Variants in BMP6 observed in about 807,000 individuals in gnomAD.
The protein encoded by BMP6 is VG-1-R.
Under a neutral mutation model 54.1 loss-of-function variants are expected in BMP6, and 17 were observed. The ratio of observed to expected loss-of-function variants is 0.31; its 90% confidence interval spans 0.22 to 0.47. The LOEUF (loss-of-function observed/expected upper bound fraction) is 0.47, where lower values mean the gene tolerates loss of function less well. Ranked by LOEUF, BMP6 falls within the 20% of genes least tolerant of loss-of-function variation. The pLI is 1.00. For synonymous variants in BMP6, 328 were observed against 291.2 expected (o/e 1.13, Z -1.28); for missense variants, 720 against 690.4 (o/e 1.04, Z -0.48).
intron 1 of BMP6, among the ~76,000 whole-genome samples, chr6:7,830,422 CT>C (rs1758776389): frequency 6.6e-6 from 1 of 152,174 alleles, no homozygotes; most frequent in African/African-American, 2.4e-5. Flanking sequence ...CCTCTTTCTG[CT>C]CAGAGGTCCT....
At chr6:7,830,568 A>T (rs1275871547) in intron 1 of BMP6, among the ~76,000 whole-genome samples, 2 of 152,182 alleles carry the variant, frequency 1.3e-5, no homozygotes, top group Non-Finnish European at 2.9e-5. Context: ...AGAGATGGAG[A>T]GTGTATTAGT....
intron 1 of BMP6, among the ~76,000 whole-genome samples, chr6:7,736,922 T>A (rs1310865980): frequency 6.6e-6 from 1 of 152,138 alleles, no homozygotes; most frequent in East Asian, 1.9e-4. Context: ...GCGCAGTGGC[T>A]CACACCTGTA....
At chr6:7,835,757 T>C (rs1758864377) in intron 1 of BMP6, among the ~76,000 whole-genome samples, 2 of 152,224 alleles carry the variant, frequency 1.3e-5, no homozygotes, top group African/African-American at 2.4e-5. Context: ...TGCCTGAGTG[T>C]GCTCTCATAG....
rs763599891 is a variant in BMP6, at chr6:7,766,936, AATTTTT to A, written c.664+39330_664+39335del. On this transcript the variant is annotated intron_variant, in intron 1 of 6. Transcript: ENST00000283147. ...AAATCAAATGGATATGGAATAGTATAATTTTTATTTTTATTTTTTATTTATTTATTT... is the reference window on the plus strand; with the variant it reads ...AAATCAAATGGATATGGAATAGTATAATTTTTATTTTTTATTTATTTATTT... Among the ~76,000 whole-genome samples, 762 of 148,088 alleles carry A rather than the reference AATTTTT, an allele frequency of 5.1e-3. 9 individuals carry two copies. Among genetic ancestry groups the A allele is most frequent in the Non-Finnish European group, 8.5e-3 (573 of 67,058 alleles).
Position 7,727,002 on chromosome 6 carries a change from G to T in BMP6, c.47G>T (p.Gly16Val). Residue 16 changes from glycine to valine, a missense_variant, in exon 1 of 7, where the codon GGG becomes GTG. By Grantham distance (109) the Gly-to-Val change is moderately radical (BLOSUM62 -3). Transcript: ENST00000283147. Reference protein sequence around the residue: ...RRAQWLCWWWGLLCSCCGPPP... With the variant: ...RRAQWLCWWWVLLCSCCGPPP... ...GCGCAGTGGCTGTGCTGGTGGTGGG[G>T]GCTGCTGTGCAGCTGCTGCGGGCCC... is the stretch of plus-strand genomic sequence containing the variant. The T allele has an allele frequency of 1.8e-6, 2 of 1,134,410 alleles. No homozygotes were observed. The highest frequency in any genetic ancestry group is 2.2e-6 in the Non-Finnish European group (2 of 926,316). The allele number at this position is 1,134,410 out of a possible 1,614,324, so 70.3% of individuals were successfully genotyped here. A position where few individuals can be genotyped will look rare whatever the true frequency, so the allele number is the denominator to read the frequency against.
chr6:7,760,822 T>C (rs1268914014), intron 1 of BMP6, among the ~76,000 whole-genome samples: 1 of 152,136 alleles, frequency 6.6e-6, no homozygotes, highest in East Asian at 1.9e-4. Context: ...AAAGTTAAAG[T>C]AAAGTTTTGA....
intron 1 of BMP6, among the ~76,000 whole-genome samples, chr6:7,800,447 T>G (rs890445747): frequency 1.3e-5 from 2 of 152,236 alleles, no homozygotes; most frequent in Non-Finnish European, 2.9e-5. Flanking sequence ...CCTTTGTCCC[T>G]GTAGCCTGAG....
At chr6:7,732,502 C>T (rs1761880415) in intron 1 of BMP6, among the ~76,000 whole-genome samples, 1 of 152,196 alleles carries the variant, frequency 6.6e-6, no homozygotes, top group Non-Finnish European at 1.5e-5. Flanking sequence ...CTCTGATCAG[C>T]TTGGAGGAGG....
At chr6:7,841,190 GA>G (rs2113249486) in intron 1 of BMP6, among the ~76,000 whole-genome samples, 1 of 152,288 alleles carries the variant, frequency 6.6e-6, no homozygotes, top group East Asian at 1.9e-4. Context: ...ATATAGGTAA[GA>G]AAAAAGCTAG....
intron 4 of BMP6, among the ~76,000 whole-genome samples, chr6:7,869,688 C>A (rs1482853212): frequency 4.6e-5 from 7 of 152,172 alleles, no homozygotes. Flanking sequence ...GATGGAATGT[C>A]TCCTCAGTCA....
intron 1 of BMP6, among the ~76,000 whole-genome samples, chr6:7,752,051 C>T (rs1256340553): frequency 6.6e-6 from 1 of 152,214 alleles, no homozygotes; most frequent in African/African-American, 2.4e-5. Context: ...TAGCTTTCTA[C>T]TCAGTGGAAT....
chr6:7,817,744 T>C (rs1023620382), intron 1 of BMP6, among the ~76,000 whole-genome samples: 3 of 152,170 alleles, frequency 2.0e-5, no homozygotes, highest in Non-Finnish European at 1.5e-5. Flanking sequence ...AACTGCCTGA[T>C]GTTTTAAAGC....
chr6:7,759,970 GC>G (rs1757587169), intron 1 of BMP6, among the ~76,000 whole-genome samples: 1 of 151,182 alleles, frequency 6.6e-6, no homozygotes, highest in Non-Finnish European at 1.5e-5. Context: ...CTCCCAAAGT[GC>G]TGGGATTACA....
At chr6:7,771,869 A>G (rs975097140) in intron 1 of BMP6, among the ~76,000 whole-genome samples, 4 of 152,130 alleles carry the variant, frequency 2.6e-5, no homozygotes, top group African/African-American at 7.2e-5. Context: ...CCTGGCTAAC[A>G]TGGTGAAACC....
intron 1 of BMP6, among the ~76,000 whole-genome samples, chr6:7,808,603 G>C (rs1012450439): frequency 6.6e-6 from 1 of 152,064 alleles, no homozygotes; most frequent in Non-Finnish European, 1.5e-5. Context: ...CCAAACTTTT[G>C]TCTGATTTTA....
At chr6:7,766,998 T>G (rs958437817) in intron 1 of BMP6, among the ~76,000 whole-genome samples, 5 of 151,460 alleles carry the variant, frequency 3.3e-5, no homozygotes, top group African/African-American at 1.2e-4. Context: ...GTTTGTTTTT[T>G]TTTTTTGAGA....
Position 7,880,387 on chromosome 6 carries a change from T to C in BMP6, c.*44T>C. 6.2e-7 allele frequency: 1 copy of C among 1,609,960 alleles called. No homozygotes were observed. Among genetic ancestry groups the C allele is most frequent in the South Asian group, 1.1e-5 (1 of 90,950 alleles). ...GGACACACATTCTGCCTTGGATTCC[T>C]AGATTACATCTGCCTTAAAAAAACA... On this transcript the variant is annotated 3_prime_UTR_variant, in exon 7 of 7. Transcript: ENST00000283147.
At chr6:7,834,419 T>G (rs969502313) in intron 1 of BMP6, among the ~76,000 whole-genome samples, 1 of 151,456 alleles carries the variant, frequency 6.6e-6, no homozygotes, top group Admixed American at 6.6e-5. Flanking sequence ...GACAATAATA[T>G]AGAAATACAG....
intron 1 of BMP6, among the ~76,000 whole-genome samples, chr6:7,798,219 T>C (rs1758219037): frequency 6.6e-6 from 1 of 152,222 alleles, no homozygotes; most frequent in Non-Finnish European, 1.5e-5. Flanking sequence ...CTTCTTGTAT[T>C]TGAAGGCCAC....
Sources: gnomAD v4.1 joint callset for allele counts (sites outside exome capture counted in the v4.1 genomes callset) on GRCh38, gnomAD v4.1.1 for gene constraint, MANE v1.5 for transcripts, NCBI Gene and HGNC (gene_info 2026-07-23, HGNC 2026-07-21) for gene names.